The following TMEM132C variants were observed in gnomAD, a reference collection of about 807,000 sequenced individuals.
The protein encoded by TMEM132C is transmembrane protein 132C.
TMEM132C carries 29 observed loss-of-function variants against 61.4 expected under a neutral mutation model. The ratio of observed to expected loss-of-function variants is 0.47; its 90% CI spans 0.35 to 0.64. TMEM132C has a LOEUF of 0.64. TMEM132C is among the 30% of genes least tolerant of loss of function. TMEM132C has a pLI of 0.00. For missense variants in TMEM132C, 1,408 were observed against 1,476.9 expected (o/e 0.95, Z 0.76); for synonymous variants, 656 against 633.1 (o/e 1.04, Z -0.54).
At chr12:128,492,591 C>T (rs1202745238) in intron 2 of TMEM132C, among the ~76,000 whole-genome samples, 7 of 152,192 alleles carry the variant, frequency 4.6e-5, no homozygotes, top group Non-Finnish European at 1.0e-4. Context: ...TTGCATTTCT[C>T]TGATGGCCAG....
At chr12:128,400,535 CA>C (rs1381797442) in intron 1 of TMEM132C, among the ~76,000 whole-genome samples, 1 of 151,862 alleles carries the variant, frequency 6.6e-6, no homozygotes, top group Non-Finnish European at 1.5e-5. Context: ...GGATGTTGAA[CA>C]GCATCCCTGG....
intron 1 of TMEM132C, among the ~76,000 whole-genome samples, chr12:128,332,384 G>A (rs1413762154): frequency 2.0e-5 from 3 of 152,176 alleles, no homozygotes. Flanking sequence ...TTAATGTTAA[G>A]AGCCACATCA....
At chr12:128,458,190 T>C (rs1027508338) in intron 2 of TMEM132C, among the ~76,000 whole-genome samples, 2 of 148,366 alleles carry the variant, frequency 1.3e-5, no homozygotes, top group African/African-American at 4.9e-5. Flanking sequence ...CTCATATTTA[T>C]ATTTTAGTAT....
intron 2 of TMEM132C, among the ~76,000 whole-genome samples, chr12:128,503,190 C>A (rs11059725): frequency 1.3e-5 from 2 of 152,210 alleles, no homozygotes; most frequent in Non-Finnish European, 2.9e-5. Flanking sequence ...CTATCATTGA[C>A]CTCAATACAG....
intron 3 of TMEM132C, among the ~76,000 whole-genome samples, chr12:128,597,222 G>A (rs1193088928): frequency 2.0e-5 from 3 of 152,182 alleles, no homozygotes; most frequent in Admixed American, 6.5e-5. Context: ...GGTCACGTCT[G>A]TAATCCCAGC....
chr12:128,321,964 C>T (rs969030083), intron 1 of TMEM132C, among the ~76,000 whole-genome samples: 2 of 152,166 alleles, frequency 1.3e-5, no homozygotes, highest in Admixed American at 6.5e-5. Context: ...CTTTGGCCCA[C>T]CTGAAGTGCC....
chr12:128,698,865 G>A (rs1326614444), intron 8 of TMEM132C, among the ~76,000 whole-genome samples: 4 of 152,216 alleles, frequency 2.6e-5, no homozygotes, highest in Admixed American at 2.6e-4. Flanking sequence ...ACAGGCGACA[G>A]GGCCCAGGGG....
At chr12:128,690,334 A>G (rs1954710489) in intron 5 of TMEM132C, among the ~76,000 whole-genome samples, 1 of 152,208 alleles carries the variant, frequency 6.6e-6, no homozygotes, top group Non-Finnish European at 1.5e-5. Flanking sequence ...TCCTTTTTGT[A>G]GATGAGTGGG....
intron 2 of TMEM132C, among the ~76,000 whole-genome samples, chr12:128,531,577 A>T (rs116404156): frequency 0.028 from 4,214 of 152,344 alleles, 190 homozygotes; most frequent in African/African-American, 0.095. Flanking sequence ...GTGAAGGCAC[A>T]TGCGTGTGCA....
chr12:128,679,923 G>A (rs1204211265), intron 5 of TMEM132C, among the ~76,000 whole-genome samples: 1 of 152,150 alleles, frequency 6.6e-6, no homozygotes. Flanking sequence ...TGGGGAGGTA[G>A]CATTTGAGCT....
At chr12:128,699,699 G>A (rs1160703563) in intron 8 of TMEM132C, among the ~76,000 whole-genome samples, 1 of 152,192 alleles carries the variant, frequency 6.6e-6, no homozygotes, top group African/African-American at 2.4e-5. Context: ...TCTATCACCT[G>A]TGCCATGTAA....
intron 2 of TMEM132C, among the ~76,000 whole-genome samples, chr12:128,517,970 A>G (rs1305728631): frequency 6.6e-6 from 1 of 152,256 alleles, no homozygotes; most frequent in Non-Finnish European, 1.5e-5. Flanking sequence ...CTGTAGAGCC[A>G]GGAACCTCAG....
chr12:128,331,641 T>C (rs1009306432), intron 1 of TMEM132C, among the ~76,000 whole-genome samples: 2 of 152,226 alleles, frequency 1.3e-5, no homozygotes, highest in Non-Finnish European at 2.9e-5. Flanking sequence ...TATATATTTA[T>C]GTATACCACA....
intron 4 of TMEM132C, among the ~76,000 whole-genome samples, chr12:128,665,155 TCACA>T (rs1954444899): frequency 2.4e-5 from 2 of 84,662 alleles, no homozygotes; most frequent in African/African-American, 9.4e-5. Flanking sequence ...ATGCACACAC[TCACA>T]CATACACAAA....
At chr12:128,302,553 T>G (rs761749537) in intron 1 of TMEM132C, among the ~76,000 whole-genome samples, 26 of 152,206 alleles carry the variant, frequency 1.7e-4, no homozygotes, top group Non-Finnish European at 2.5e-4. Context: ...TCAAGCCAAG[T>G]TAAAAGAGAT....
chr12:128,478,376 C>T (rs1037429913), intron 2 of TMEM132C, among the ~76,000 whole-genome samples: 3 of 152,090 alleles, frequency 2.0e-5, no homozygotes, highest in Non-Finnish European at 4.4e-5. Flanking sequence ...GGCTCACTTC[C>T]ACCTCTTAAC....
At position 128,326,576 on chromosome 12, in the gene TMEM132C, C is replaced by T. The variant is rs368574038; in HGVS notation, c.85+59089C>T. On this transcript the variant is annotated intron_variant, in intron 1 of 8. Coordinates refer to ENST00000435159, the MANE Select transcript of TMEM132C (RefSeq NM_001136103.3). This position sits in a 1 kb window ranked among gnomAD's most constrained non-coding sequence, Gnocchi z 5.6. ...CAATATCTAGAATTGGAACAGTAGC[C>T]CCAGGAAAAGAAAATGTGCTTGGAG... 2.0e-5 allele frequency among the ~76,000 whole-genome samples: 3 copies of T among 152,066 alleles called. No individual in the cohort carries two copies. The highest frequency in any genetic ancestry group is 1.9e-4 in the East Asian group (1 of 5,180).
chr12:128,505,577 T>A (rs1342936596), intron 2 of TMEM132C, among the ~76,000 whole-genome samples: 1 of 152,206 alleles, frequency 6.6e-6, no homozygotes, highest in Non-Finnish European at 1.5e-5. Context: ...ATTATAGGGC[T>A]GTTGTAAAAA....
intron 2 of TMEM132C, among the ~76,000 whole-genome samples, chr12:128,533,941 GCGCACATA>G (rs1873420296): frequency 8.3e-6 from 1 of 120,020 alleles, no homozygotes; most frequent in African/African-American, 3.0e-5. Flanking sequence ...CCTCACACAT[GCGCACATA>G]CACACACACA....
Sources: gnomAD v4.1 joint callset for allele counts (sites outside exome capture counted in the v4.1 genomes callset) on GRCh38, gnomAD v4.1.1 for gene constraint, Gnocchi (gnomAD v3.1) non-coding constraint, MANE v1.5 for transcripts, NCBI Gene and HGNC (gene_info 2026-07-23, HGNC 2026-07-21) for gene names.